The following KDM2A variants were observed in gnomAD, a reference collection of about 807,000 sequenced individuals.
KDM2A encodes the protein lysine demethylase 2A.
Under a neutral mutation model 137.3 loss-of-function variants are expected in KDM2A, and 3 were observed. The ratio of observed to expected loss-of-function variants is 0.02; its 90% CI spans 0.01 to 0.06. The LOEUF is 0.06. KDM2A is among the 10% of genes least tolerant of loss of function. The pLI is 1.00. For missense variants in KDM2A, 738 were observed against 1,510.6 expected (o/e 0.49, Z 8.48); for synonymous variants, 512 against 541.5 (o/e 0.95, Z 0.76).
At chr11:67,200,440 A>G (rs1857591418) in intron 5 of KDM2A, among the ~76,000 whole-genome samples, 1 of 152,020 alleles carries the variant, frequency 6.6e-6, no homozygotes, top group Non-Finnish European at 1.5e-5. Flanking sequence ...GATGATCGCG[A>G]TCTCCTCACC....
chr11:67,141,388 CG>C (rs1402516140), intron 2 of KDM2A, among the ~76,000 whole-genome samples: 3 of 151,774 alleles, frequency 2.0e-5, no homozygotes, highest in Non-Finnish European at 4.4e-5. Context: ...TGTTATTGGC[CG>C]GGCGCGGTGG....
intron 2 of KDM2A, among the ~76,000 whole-genome samples, chr11:67,166,320 G>T (rs1240052787): frequency 1.3e-5 from 2 of 151,704 alleles, no homozygotes; most frequent in Non-Finnish European, 2.9e-5. Flanking sequence ...AAGTAGCTGG[G>T]ACTATAGGCA....
At chr11:67,156,248 C>CAA (rs767497410) in intron 2 of KDM2A, among the ~76,000 whole-genome samples, 6 of 108,836 alleles carry the variant, frequency 5.5e-5, no homozygotes, top group African/African-American at 2.0e-4. Flanking sequence ...AACTCCGTCT[C>CAA]AAAAAAAAAA....
At chr11:67,174,419 TAGAC>T (rs1856938199) in intron 2 of KDM2A, among the ~76,000 whole-genome samples, 1 of 152,242 alleles carries the variant, frequency 6.6e-6, no homozygotes, top group African/African-American at 2.4e-5. Context: ...ATGTCTGACA[TAGAC>T]AGTTTGAGAA....
At chr11:67,139,635 T>C (rs1304979089) in intron 2 of KDM2A, among the ~76,000 whole-genome samples, 2 of 152,008 alleles carry the variant, frequency 1.3e-5, no homozygotes, top group Non-Finnish European at 2.9e-5. Flanking sequence ...TGCCTCAGCC[T>C]CTCAAAGTAC....
At chr11:67,222,059 C>CTTT (rs11373238) in intron 10 of KDM2A, among the ~76,000 whole-genome samples, 35 of 110,490 alleles carry the variant, frequency 3.2e-4, no homozygotes, top group African/African-American at 2.7e-4. Flanking sequence ...CTCTGTCATT[C>CTTT]TTTTTTTTTT....
chr11:67,223,059 G>T (rs1332937879), intron 10 of KDM2A, among the ~76,000 whole-genome samples: 1 of 151,994 alleles, frequency 6.6e-6, no homozygotes, highest in Non-Finnish European at 1.5e-5. Flanking sequence ...AGGCGTGGTG[G>T]CACATGCCTG....
At chr11:67,148,303 C>G (rs970436242) in intron 2 of KDM2A, among the ~76,000 whole-genome samples, 2 of 151,798 alleles carry the variant, frequency 1.3e-5, no homozygotes, top group Non-Finnish European at 1.5e-5. Flanking sequence ...CACCTGTAGT[C>G]TTAGCTGCTT....
chr11:67,145,784 T>C (rs965174971), intron 2 of KDM2A, among the ~76,000 whole-genome samples: 4 of 152,062 alleles, frequency 2.6e-5, no homozygotes, highest in African/African-American at 9.7e-5. Flanking sequence ...TTTGGACCTT[T>C]GCGTATGCTG....
At chr11:67,222,648 G>A (rs112917552) in intron 10 of KDM2A, among the ~76,000 whole-genome samples, 1,278 of 96,320 alleles carry the variant, frequency 0.013, no homozygotes, top group Middle Eastern at 0.02. Flanking sequence ...CAGTAGGGGC[G>A]GCCGGGCAGA....
At chr11:67,189,091 C>G (rs1857280677) in intron 5 of KDM2A, among the ~76,000 whole-genome samples, 1 of 152,114 alleles carries the variant, frequency 6.6e-6, no homozygotes, top group Non-Finnish European at 1.5e-5. Context: ...CAGAATCCTA[C>G]CTAACAGCAA....
intron 5 of KDM2A, among the ~76,000 whole-genome samples, chr11:67,203,489 AAT>A (rs1857708492): frequency 6.8e-6 from 1 of 147,450 alleles, no homozygotes; most frequent in African/African-American, 2.5e-5. Context: ...AATATATATT[AAT>A]ATATTTTTAT....
At chr11:67,125,113 G>A (rs991491177) in intron 2 of KDM2A, among the ~76,000 whole-genome samples, 6 of 151,528 alleles carry the variant, frequency 4.0e-5, no homozygotes, top group East Asian at 3.9e-4. Flanking sequence ...CGCCTGCCTC[G>A]GCCTCCCAAA....
rs190967664 is a variant in KDM2A, at chr11:67,208,244, T to A, written c.486+556T>A. On this transcript the variant is annotated intron_variant, in intron 6 of 20. Transcript: ENST00000529006. ...TTAAAATTTATTATTATTAAAAAAA[T>A]TTTTTTTTTTTAAAGACAGGGTCTC... 1.9e-3 allele frequency among the ~76,000 whole-genome samples: 284 copies of A among 147,574 alleles called. 3 individuals are homozygous for A. Among genetic ancestry groups the A allele is most frequent in the African/African-American group, 4.0e-3 (163 of 40,696 alleles).
At chr11:67,156,226 C>CA (rs1263930121) in intron 2 of KDM2A, among the ~76,000 whole-genome samples, 1 of 143,046 alleles carries the variant, frequency 7.0e-6, no homozygotes, top group Non-Finnish European at 1.5e-5. Flanking sequence ...CCAGCTTGGG[C>CA]AACAAAAGCA....
At chr11:67,158,802 A>G (rs1356333710) in intron 2 of KDM2A, among the ~76,000 whole-genome samples, 3 of 152,092 alleles carry the variant, frequency 2.0e-5, no homozygotes, top group Admixed American at 6.6e-5. Flanking sequence ...GCATCTTTTC[A>G]TATGCTTATT....
rs1411662452 is a variant in KDM2A at position 67,156,381 on chromosome 11, A to C, written c.43-23698A>C. 4.0e-5 allele frequency among the ~76,000 whole-genome samples: 6 copies of C among 151,860 alleles called. No homozygotes were observed. In the South Asian group the frequency reaches 1.0e-3, roughly 26 times the overall value. ...AGGTGGATCATGAGGTCAGGAGATC[A>C]AGACCATCCTGGCCAACATGGTGAA... On this transcript the variant is annotated intron_variant, in intron 2 of 20. Transcript: ENST00000529006.
rs559022937 is a variant in KDM2A, at chr11:67,199,597, T to C, written c.308-7913T>C. 8.5e-5 allele frequency among the ~76,000 whole-genome samples: 13 copies of C among 152,344 alleles called. No individual in the cohort carries two copies. In the South Asian group the frequency reaches 1.2e-3, roughly 15 times the overall value. ...AAGCCACAGTAAAGCCCTGATTCTC[T>C]TTAATTCTGTAAAGGCTGAGAGAGG... On this transcript the variant is annotated intron_variant, in intron 5 of 20. Transcript: ENST00000529006.
chr11:67,145,418 A>C (rs1348250295), intron 2 of KDM2A, among the ~76,000 whole-genome samples: 1 of 151,684 alleles, frequency 6.6e-6, no homozygotes, highest in Non-Finnish European at 1.5e-5. Context: ...TGAACCCGGG[A>C]GGTGTAGGTG....
Sources: allele counts gnomAD v4.1 joint callset (sites outside exome capture counted in the v4.1 genomes callset), GRCh38; gene constraint gnomAD v4.1.1; transcripts MANE v1.5; gene names NCBI Gene and HGNC (gene_info 2026-07-23, HGNC 2026-07-21).